Variants in CPQ observed in about 807,000 individuals in gnomAD.
CPQ encodes carboxypeptidase Q, also known as Ser-Met dipeptidase.
A neutral mutation model predicts 45.7 loss-of-function variants in CPQ; 37 were observed. The ratio of observed to expected loss-of-function variants is 0.81; its 90% CI spans 0.62 to 1.07. The LOEUF is 1.07. Among genes scored for constraint, CPQ ranks in the 50% least tolerant of loss-of-function variants. The pLI is 0.00. For missense variants in CPQ, 537 were observed against 572.9 expected (o/e 0.94, Z 0.64); for synonymous variants, 186 against 205.8 (o/e 0.90, Z 0.82).
Position 96,815,808 on chromosome 8 carries a change from A to G in CPQ, c.434-19165A>G, listed in dbSNP as rs555313697. Among the ~76,000 whole-genome samples, 6 of 152,272 alleles carry G rather than the reference A, an allele frequency of 3.9e-5. No homozygotes were observed. In the South Asian group the frequency reaches 1.0e-3, roughly 26 times the overall value. ...TCACAATAAAATTTTTTGGTTTCCCAGTACATATAAAAGTTATGTAGTCTA... is the reference window on the plus strand; with the variant it reads ...TCACAATAAAATTTTTTGGTTTCCCGGTACATATAAAAGTTATGTAGTCTA... On this transcript the variant is annotated intron_variant, in intron 2 of 7. Coordinates refer to ENST00000220763, the MANE Select transcript of CPQ (RefSeq NM_016134.4).
At chr8:96,936,423 C>T (rs1813050958) in intron 4 of CPQ, among the ~76,000 whole-genome samples, 1 of 152,174 alleles carries the variant, frequency 6.6e-6, no homozygotes, top group South Asian at 2.1e-4. Context: ...TATTTACTTT[C>T]CGTGATGCTT....
intron 4 of CPQ, among the ~76,000 whole-genome samples, chr8:96,905,393 G>T (rs1177611054): frequency 6.6e-6 from 1 of 152,140 alleles, no homozygotes; most frequent in Non-Finnish European, 1.5e-5. Context: ...ACAGATGAAG[G>T]CACAGTAGCT....
At chr8:97,136,191 A>T (rs1812054527) in intron 7 of CPQ, among the ~76,000 whole-genome samples, 1 of 151,958 alleles carries the variant, frequency 6.6e-6, no homozygotes, top group South Asian at 2.1e-4. Context: ...AAAAAAAAAG[A>T]TTCATAGAGA....
intron 1 of CPQ, among the ~76,000 whole-genome samples, chr8:96,768,384 C>G (rs1186078418): frequency 1.3e-5 from 2 of 151,694 alleles, no homozygotes. Flanking sequence ...GAGAGCTGCT[C>G]TTTTTCCTGT....
At chr8:96,683,217 A>G (rs1586357406) in intron 1 of CPQ, among the ~76,000 whole-genome samples, 1 of 152,202 alleles carries the variant, frequency 6.6e-6, no homozygotes, top group South Asian at 2.1e-4. Flanking sequence ...GTGGTGATGA[A>G]TTCCCTGTTT....
intron 1 of CPQ, among the ~76,000 whole-genome samples, chr8:96,672,325 A>G (rs1809015057): frequency 6.6e-6 from 1 of 152,234 alleles, no homozygotes; most frequent in Admixed American, 6.5e-5. Context: ...CATGTACTAG[A>G]CACTGTTCTA....
chr8:97,067,991 G>A (rs1048458852), intron 7 of CPQ, among the ~76,000 whole-genome samples: 3 of 152,162 alleles, frequency 2.0e-5, no homozygotes, highest in Non-Finnish European at 2.9e-5. Flanking sequence ...TAGCTGTGAG[G>A]AAAAGACTGG....
Position 96,744,400 on chromosome 8 carries a change from C to T in CPQ, c.-34-40464C>T, listed in dbSNP as rs565092930. Among the ~76,000 whole-genome samples the T allele has an allele frequency of 9.8e-5, 15 of 152,298 alleles. No individual in the cohort carries two copies. The East Asian group carries it at 1.2e-3, about 12-fold the overall frequency. ...CTGGCACTCCCTAATGAGATGAACC[C>T]GGTACCTGAGATGGAAATGCAGAAA... On this transcript the variant is annotated intron_variant, in intron 1 of 7. Coordinates refer to ENST00000220763, the MANE Select transcript of CPQ (RefSeq NM_016134.4).
At chr8:96,830,690 T>A (rs1472663177) in intron 2 of CPQ, among the ~76,000 whole-genome samples, 3 of 152,088 alleles carry the variant, frequency 2.0e-5, no homozygotes, top group African/African-American at 7.2e-5. Context: ...TGTCCTAGGA[T>A]GAAACACCCC....
chr8:96,961,039 G>T (rs146151275), intron 4 of CPQ, among the ~76,000 whole-genome samples: 86 of 152,228 alleles, frequency 5.6e-4, no homozygotes, highest in African/African-American at 2.0e-3. Context: ...CCTGGTATTA[G>T]AATTCCTCTA....
At chr8:96,755,661 A>G (rs969711392) in intron 1 of CPQ, among the ~76,000 whole-genome samples, 4 of 151,924 alleles carry the variant, frequency 2.6e-5, no homozygotes, top group Non-Finnish European at 4.4e-5. Context: ...TATATAATTA[A>G]TTCAAAATAA....
intron 3 of CPQ, among the ~76,000 whole-genome samples, chr8:96,855,314 T>C (rs1328935885): frequency 6.6e-6 from 1 of 152,156 alleles, no homozygotes; most frequent in African/African-American, 2.4e-5. Context: ...CACAGAAAGA[T>C]ACCTTCCTGC....
intron 1 of CPQ, among the ~76,000 whole-genome samples, chr8:96,730,866 C>CATACATATATATATATATATAT (rs56216136): frequency 0.046 from 3,109 of 67,226 alleles, 166 homozygotes; most frequent in Non-Finnish European, 0.059. Flanking sequence ...ACCATACATA[C>CATACATATATATATATATATAT]ATATATATAT....
intron 7 of CPQ, among the ~76,000 whole-genome samples, chr8:97,097,350 CA>C (rs1315500006): frequency 6.6e-6 from 1 of 152,076 alleles, no homozygotes; most frequent in Non-Finnish European, 1.5e-5. Flanking sequence ...ACACAAAAAT[CA>C]TTTTGAAATG....
chr8:96,731,469 T>G (rs2130770710), intron 1 of CPQ, among the ~76,000 whole-genome samples: 2 of 152,212 alleles, frequency 1.3e-5, no homozygotes, highest in East Asian at 3.9e-4. Context: ...GTACACAGAT[T>G]CCCTTTACTC....
intron 6 of CPQ, among the ~76,000 whole-genome samples, chr8:97,043,915 C>G (rs528647767): frequency 6.6e-6 from 1 of 152,190 alleles, no homozygotes; most frequent in Non-Finnish European, 1.5e-5. Context: ...CTGCCCTTAA[C>G]ATTTTTTCCT....
At chr8:96,939,825 A>G (rs1018884207) in intron 4 of CPQ, among the ~76,000 whole-genome samples, 7 of 152,194 alleles carry the variant, frequency 4.6e-5, no homozygotes, top group African/African-American at 1.7e-4. Flanking sequence ...GCTCTAGGGT[A>G]TATACCTAGG....
chr8:97,033,365 A>G (rs1809942081), intron 6 of CPQ, among the ~76,000 whole-genome samples: 1 of 152,206 alleles, frequency 6.6e-6, no homozygotes. Context: ...TGTTTAGCTG[A>G]TTATGCTACA....
At chr8:96,845,407 T>G (rs1811671685) in intron 3 of CPQ, among the ~76,000 whole-genome samples, 1 of 152,184 alleles carries the variant, frequency 6.6e-6, no homozygotes, top group African/African-American at 2.4e-5. Flanking sequence ...ATTGAATAAA[T>G]AACTATTTTA....
Sources: allele counts gnomAD v4.1 joint callset (sites outside exome capture counted in the v4.1 genomes callset), GRCh38; gene constraint gnomAD v4.1.1; transcripts MANE v1.5; gene names NCBI Gene and HGNC (gene_info 2026-07-23, HGNC 2026-07-21).